Variants in PRKN observed in about 807,000 individuals in gnomAD.
PRKN encodes the protein parkin RBR E3 ubiquitin protein ligase.
Under a neutral mutation model 59.5 loss-of-function variants are expected in PRKN, and 56 were observed. The ratio of observed to expected loss-of-function variants is 0.94; its 90% confidence interval spans 0.76 to 1.18. The LOEUF (loss-of-function observed/expected upper bound fraction) is 1.18, where lower values mean the gene tolerates loss of function less well. Ranked by LOEUF, PRKN falls within the 50% of genes most tolerant of loss-of-function variation. The pLI is 0.00. For synonymous variants in PRKN, 250 were observed against 222.1 expected (o/e 1.13, Z -1.12); for missense variants, 657 against 596.4 (o/e 1.10, Z -1.06).
chr6:162,576,220 C>T (rs1383686176), intron 1 of PRKN, among the ~76,000 whole-genome samples: 1 of 152,130 alleles, frequency 6.6e-6, no homozygotes, highest in Non-Finnish European at 1.5e-5. Flanking sequence ...ACATGCAGTT[C>T]CCTCTGCTGA....
chr6:162,175,706 G>T (rs577292632), intron 4 of PRKN, among the ~76,000 whole-genome samples: 1 of 152,276 alleles, frequency 6.6e-6, no homozygotes, highest in African/African-American at 2.4e-5. Context: ...GGGTGTCAGG[G>T]TGGTAGGGCC....
intron 7 of PRKN, among the ~76,000 whole-genome samples, chr6:161,596,904 G>C (rs926304096): frequency 6.6e-6 from 1 of 152,188 alleles, no homozygotes; most frequent in African/African-American, 2.4e-5. Context: ...CTCTGACTCA[G>C]AGAATTGATG....
At chr6:161,853,188 T>C (rs562965285) in intron 6 of PRKN, among the ~76,000 whole-genome samples, 2 of 152,220 alleles carry the variant, frequency 1.3e-5, no homozygotes, top group Non-Finnish European at 2.9e-5. Flanking sequence ...GTGAGATTTA[T>C]GGGCTCTGAT....
chr6:162,556,342 G>GGTGT (rs202002846), intron 1 of PRKN, among the ~76,000 whole-genome samples: 1,528 of 56,774 alleles, frequency 0.027, 45 homozygotes, highest in East Asian at 0.079. Flanking sequence ...CTACTCAGCT[G>GGTGT]GTGTGTGTGT....
intron 7 of PRKN, among the ~76,000 whole-genome samples, chr6:161,649,100 C>T (rs1267359399): frequency 6.6e-6 from 1 of 152,154 alleles, no homozygotes; most frequent in Non-Finnish European, 1.5e-5. Flanking sequence ...CTACATTTGT[C>T]AAATGTGCTG....
chr6:162,573,474 GACA>G (rs1450938027), intron 1 of PRKN, among the ~76,000 whole-genome samples: 1 of 152,118 alleles, frequency 6.6e-6, no homozygotes, highest in Non-Finnish European at 1.5e-5. Flanking sequence ...TCCTCGTTGT[GACA>G]ACGTTCCAGC....
At chr6:161,368,001 C>T (rs1785278891) in intron 10 of PRKN, among the ~76,000 whole-genome samples, 1 of 152,098 alleles carries the variant, frequency 6.6e-6, no homozygotes, top group African/African-American at 2.4e-5. Flanking sequence ...GGTTCATACT[C>T]CAGGCCCCTG....
At chr6:162,036,052 C>A (rs916953120) in intron 5 of PRKN, among the ~76,000 whole-genome samples, 4 of 151,986 alleles carry the variant, frequency 2.6e-5, no homozygotes, top group Admixed American at 1.3e-4. Context: ...CGGCCGGGCG[C>A]GGTGGCTCAC....
chr6:161,815,055 A>C (rs1403915086), intron 6 of PRKN, among the ~76,000 whole-genome samples: 2 of 152,200 alleles, frequency 1.3e-5, no homozygotes, highest in Non-Finnish European at 2.9e-5. Flanking sequence ...AGGTGTGTGC[A>C]ACCACATACC....
At chr6:162,033,484 GCTT>G (rs1182598303) in intron 5 of PRKN, among the ~76,000 whole-genome samples, 2 of 151,986 alleles carry the variant, frequency 1.3e-5, no homozygotes, top group African/African-American at 2.4e-5. Flanking sequence ...TAACTAATAT[GCTT>G]CTTTTTTTCT....
chr6:161,559,049 T>TAAAAAAAAAAAAAAAAAAAACAAA (rs3032921), intron 8 of PRKN, among the ~76,000 whole-genome samples: 1 of 117,280 alleles, frequency 8.5e-6, no homozygotes. Flanking sequence ...AAACAAGACC[T>TAAAAAAAAAAAAAAAAAAAACAAA]AAAAAAAAAA....
chr6:162,028,619 T>C (rs574802052), intron 5 of PRKN, among the ~76,000 whole-genome samples: 2 of 152,162 alleles, frequency 1.3e-5, no homozygotes, highest in Non-Finnish European at 2.9e-5. Context: ...ACAAGCATTA[T>C]TGCTTTAGGG....
At chr6:162,378,977 C>T (rs1019226180) in intron 2 of PRKN, among the ~76,000 whole-genome samples, 4 of 152,186 alleles carry the variant, frequency 2.6e-5, no homozygotes, top group Admixed American at 6.5e-5. Flanking sequence ...ATCAAGAACT[C>T]ACCTTGAGAA....
At chr6:162,095,902 C>T (rs1221140811) in intron 4 of PRKN, among the ~76,000 whole-genome samples, 2 of 152,100 alleles carry the variant, frequency 1.3e-5, no homozygotes, top group African/African-American at 2.4e-5. Flanking sequence ...AGAGTGTCAT[C>T]GAGAGGATAA....
At position 161,831,113 on chromosome 6, in the gene PRKN, C is replaced by G. The variant is rs547594880; in HGVS notation, c.735-45205G>C. Reference sequence around the variant, plus strand: ...ACCAAGAAAGAGCAGCTAACTGGCCCATAAAGGGGATTGAACTCACATACT... The same window carrying G: ...ACCAAGAAAGAGCAGCTAACTGGCCGATAAAGGGGATTGAACTCACATACT... On this transcript the variant is annotated intron_variant, in intron 6 of 11. Transcript: ENST00000366898. Among the ~76,000 whole-genome samples, 11 of 152,282 alleles carry G rather than the reference C, an allele frequency of 7.2e-5. No individual in the cohort carries two copies. The South Asian group carries it at 2.1e-3, about 29-fold the overall frequency.
At chr6:161,785,418 G>C (rs776997231) in intron 7 of PRKN, among the ~76,000 whole-genome samples, 1 of 152,118 alleles carries the variant, frequency 6.6e-6, no homozygotes, top group Non-Finnish European at 1.5e-5. Context: ...TTGAGTGATA[G>C]AGGTATACGA....
intron 2 of PRKN, among the ~76,000 whole-genome samples, chr6:162,356,497 A>G (rs1784861761): frequency 6.6e-6 from 1 of 152,080 alleles, no homozygotes; most frequent in African/African-American, 2.4e-5. Flanking sequence ...CTACCATAGT[A>G]GACTACAATA....
At chr6:162,710,056 G>A (rs1471962391) in intron 1 of PRKN, among the ~76,000 whole-genome samples, 1 of 152,128 alleles carries the variant, frequency 6.6e-6, no homozygotes, top group African/African-American at 2.4e-5. Flanking sequence ...CAGCAAGAAA[G>A]ACAATGTGGG....
chr6:162,216,613 G>T (rs534209154), intron 3 of PRKN, among the ~76,000 whole-genome samples: 1 of 146,912 alleles, frequency 6.8e-6, no homozygotes, highest in African/African-American at 2.5e-5. Context: ...TTGATCACCT[G>T]TCCAAACCAT....
Sources: allele counts gnomAD v4.1 joint callset (sites outside exome capture counted in the v4.1 genomes callset), GRCh38; gene constraint gnomAD v4.1.1; transcripts MANE v1.5; gene names NCBI Gene and HGNC (gene_info 2026-07-23, HGNC 2026-07-21).